Variants in ENTHD1 observed in about 807,000 individuals in gnomAD.
The protein encoded by ENTHD1 is ENTH domain containing 1.
Under a neutral mutation model 39.1 loss-of-function variants are expected in ENTHD1, and 23 were observed. The ratio of observed to expected loss-of-function variants is 0.59; its 90% CI spans 0.42 to 0.83. ENTHD1 has a LOEUF of 0.83. Among genes scored for constraint, ENTHD1 ranks in the 40% least tolerant of loss-of-function variants. ENTHD1 has a pLI of 0.00. For missense variants in ENTHD1, 624 were observed against 705.4 expected (o/e 0.88, Z 1.31); for synonymous variants, 230 against 258.2 (o/e 0.89, Z 1.05).
chr22:39,809,891 C>G (rs574087989), intron 5 of ENTHD1, among the ~76,000 whole-genome samples: 141 of 152,288 alleles, frequency 9.3e-4, no homozygotes, highest in South Asian at 2.7e-3. Context: ...CCGTGGTATC[C>G]ATTTTCTGTT....
At chr22:39,767,519 A>T (rs1222123074) in intron 5 of ENTHD1, among the ~76,000 whole-genome samples, 1 of 152,174 alleles carries the variant, frequency 6.6e-6, no homozygotes, top group Non-Finnish European at 1.5e-5. Context: ...GTTGAGTACT[A>T]GATTACTAGA....
chr22:39,815,453 AAAAC>A (rs964262887), intron 5 of ENTHD1, among the ~76,000 whole-genome samples: 14 of 152,246 alleles, frequency 9.2e-5, no homozygotes, highest in African/African-American at 2.9e-4. Context: ...CAAAAAAAAA[AAAAC>A]AAAGGTAAAC....
At chr22:39,812,455 T>C (rs1455836079) in intron 5 of ENTHD1, among the ~76,000 whole-genome samples, 1 of 152,248 alleles carries the variant, frequency 6.6e-6, no homozygotes, top group East Asian at 1.9e-4. Context: ...GTGCACACAA[T>C]GTGAAGATAT....
intron 3 of ENTHD1, among the ~76,000 whole-genome samples, chr22:39,852,912 C>T (rs1412125585): frequency 6.6e-6 from 1 of 152,044 alleles, no homozygotes; most frequent in Non-Finnish European, 1.5e-5. Context: ...TTTAAAAGAT[C>T]AGCTGTTTGA....
intron 5 of ENTHD1, among the ~76,000 whole-genome samples, chr22:39,805,351 C>A (rs569745022): frequency 1.3e-5 from 2 of 152,258 alleles, no homozygotes; most frequent in Admixed American, 1.3e-4. Context: ...CTGCATCAGT[C>A]ACTCAAAGTC....
chr22:39,832,746 T>C (rs1234910385), intron 4 of ENTHD1, among the ~76,000 whole-genome samples: 3 of 152,082 alleles, frequency 2.0e-5, no homozygotes, highest in African/African-American at 7.2e-5. Flanking sequence ...AGAAGAAAAC[T>C]GAAAGGCCCC....
chr22:39,788,969 G>A (rs2065481933), intron 5 of ENTHD1, among the ~76,000 whole-genome samples: 1 of 152,174 alleles, frequency 6.6e-6, no homozygotes, highest in African/African-American at 2.4e-5. Context: ...GTAGTATGGT[G>A]TAAACATAAC....
intron 6 of ENTHD1, among the ~76,000 whole-genome samples, chr22:39,752,115 A>T (rs950135895): frequency 7.9e-5 from 12 of 152,060 alleles, no homozygotes; most frequent in Admixed American, 2.0e-4. Flanking sequence ...AGAGAAATAG[A>T]TATACTTTTT....
At chr22:39,849,480 T>G (rs969673000) in intron 3 of ENTHD1, among the ~76,000 whole-genome samples, 2 of 152,180 alleles carry the variant, frequency 1.3e-5, no homozygotes, top group Non-Finnish European at 1.5e-5. Flanking sequence ...TGAGAAACCC[T>G]CCACTAAATC....
intron 5 of ENTHD1, among the ~76,000 whole-genome samples, chr22:39,815,511 A>G (rs2065726719): frequency 6.6e-6 from 1 of 152,058 alleles, no homozygotes. Flanking sequence ...GGATTTTTCT[A>G]GGGGAAAAAT....
intron 6 of ENTHD1, among the ~76,000 whole-genome samples, chr22:39,748,427 CT>C (rs113986555): frequency 0.093 from 13,669 of 146,376 alleles, 636 homozygotes; most frequent in African/African-American, 0.13. Flanking sequence ...ATTTTCTTTT[CT>C]TTTTTTTTTT....
At chr22:39,843,465 T>A (rs1366597092) in intron 3 of ENTHD1, among the ~76,000 whole-genome samples, 2 of 45,030 alleles carry the variant, frequency 4.4e-5, no homozygotes, top group African/African-American at 8.9e-5. Flanking sequence ...TGTTGTGGGG[T>A]GGGGGGAGGG....
At chr22:39,757,462 G>C (rs954585966) in intron 6 of ENTHD1, among the ~76,000 whole-genome samples, 3 of 151,692 alleles carry the variant, frequency 2.0e-5, no homozygotes, top group African/African-American at 7.3e-5. Flanking sequence ...AAAAATTTTC[G>C]GCCAGGTGCA....
chr22:39,832,438 A>G (rs2065876319), intron 4 of ENTHD1, among the ~76,000 whole-genome samples: 1 of 152,228 alleles, frequency 6.6e-6, no homozygotes, highest in Admixed American at 6.5e-5. Context: ...AACAAAAAAA[A>G]GTTTTAAAAA....
At chr22:39,760,082 TA>T (rs896985268) in intron 6 of ENTHD1, among the ~76,000 whole-genome samples, 105 of 151,954 alleles carry the variant, frequency 6.9e-4, no homozygotes, top group African/African-American at 2.1e-3. Flanking sequence ...AAAAGAATGT[TA>T]AAAAAAAGAA....
At chr22:39,834,902 T>C (rs536141755) in intron 4 of ENTHD1, among the ~76,000 whole-genome samples, 1 of 152,278 alleles carries the variant, frequency 6.6e-6, no homozygotes, top group African/African-American at 2.4e-5. Context: ...ATTCCATTTA[T>C]ATAACGTTAT....
rs553025405 is a variant in ENTHD1 at position 39,756,239 on chromosome 22, C to T, written c.1219+8984G>A. Reference sequence around the variant, plus strand: ...TTATCAACAGAGAAATACTGTATTTCACCCTATTAAGAATTTGTTAAATGT... The same window carrying T: ...TTATCAACAGAGAAATACTGTATTTTACCCTATTAAGAATTTGTTAAATGT... On this transcript the variant is annotated intron_variant, in intron 6 of 6. Transcript: ENST00000325157. 2.6e-5 allele frequency among the ~76,000 whole-genome samples: 4 copies of T among 152,092 alleles called. No homozygotes were observed. In the South Asian group the frequency reaches 6.2e-4, roughly 24 times the overall value.
intron 5 of ENTHD1, among the ~76,000 whole-genome samples, chr22:39,809,892 A>T (rs2065672329): frequency 6.6e-6 from 1 of 152,118 alleles, no homozygotes; most frequent in Non-Finnish European, 1.5e-5. Flanking sequence ...CGTGGTATCC[A>T]TTTTCTGTTT....
At chr22:39,754,063 T>A (rs971443816) in intron 6 of ENTHD1, among the ~76,000 whole-genome samples, 2 of 152,186 alleles carry the variant, frequency 1.3e-5, no homozygotes, top group African/African-American at 4.8e-5. Context: ...TAACTTGTAA[T>A]CCGGGGGTCA....
Sources: gnomAD v4.1 joint callset for allele counts (sites outside exome capture counted in the v4.1 genomes callset) on GRCh38, gnomAD v4.1.1 for gene constraint, MANE v1.5 for transcripts, NCBI Gene and HGNC (gene_info 2026-07-23, HGNC 2026-07-21) for gene names.